SGCZ: variants seen among roughly 807,000 people sequenced by gnomAD.
The protein encoded by SGCZ is sarcoglycan zeta, also known as zeta-sarcoglycan.
A neutral mutation model predicts 41.3 loss-of-function variants in SGCZ; 40 were observed. The observed-to-expected ratio is 0.97, with a 90% CI of 0.75 to 1.26. The LOEUF (loss-of-function observed/expected upper bound fraction) is 1.26. SGCZ is among the 50% of genes most tolerant of loss of function. SGCZ has a pLI of 0.00. For missense variants in SGCZ, 552 were observed against 369.8 expected, an observed-to-expected ratio of 1.49 and a Z score of -4.04; for synonymous variants, 206 against 137.5, an observed-to-expected ratio of 1.50 and a Z score of -3.49.
chr8:14,472,565 C>T (rs946084233), intron 2 of SGCZ, among the ~76,000 whole-genome samples: 2 of 152,062 alleles, frequency 1.3e-5, no homozygotes, highest in African/African-American at 4.8e-5. Context: ...ACTGGGATAT[C>T]ATTACATTAT....
intron 1 of SGCZ, among the ~76,000 whole-genome samples, chr8:14,855,182 A>G (rs1585321353): frequency 6.6e-6 from 1 of 151,920 alleles, no homozygotes; most frequent in Non-Finnish European, 1.5e-5. Context: ...TCTCCTGAGT[A>G]GCTGGGAATA....
At chr8:14,766,910 C>T (rs549855555) in intron 1 of SGCZ, among the ~76,000 whole-genome samples, 1 of 151,536 alleles carries the variant, frequency 6.6e-6, no homozygotes, top group Non-Finnish European at 1.5e-5. Flanking sequence ...TTATTAAACT[C>T]AGACTGTCTT....
At chr8:14,242,696 A>G (rs547479704) in intron 3 of SGCZ, among the ~76,000 whole-genome samples, 2 of 152,178 alleles carry the variant, frequency 1.3e-5, no homozygotes, top group South Asian at 2.1e-4. Context: ...TGTTTCACAA[A>G]TAAGTATAGT....
chr8:14,444,547 T>C (rs550613653), intron 2 of SGCZ, among the ~76,000 whole-genome samples: 1 of 151,088 alleles, frequency 6.6e-6, no homozygotes, highest in African/African-American at 2.4e-5. Context: ...TCATTCTCAG[T>C]AAACTATCGT....
chr8:15,169,408 A>G (rs1393023324), intron 1 of SGCZ, among the ~76,000 whole-genome samples: 1 of 152,076 alleles, frequency 6.6e-6, no homozygotes, highest in African/African-American at 2.4e-5. Context: ...GCGGGTAGGA[A>G]ACTCTCTAGC....
intron 2 of SGCZ, among the ~76,000 whole-genome samples, chr8:14,387,770 C>T (rs1426900429): frequency 6.6e-6 from 1 of 151,956 alleles, no homozygotes; most frequent in Non-Finnish European, 1.5e-5. Flanking sequence ...TTACCAATTA[C>T]TCCCATTAAG....
chr8:14,290,974 T>C (rs970313632), intron 3 of SGCZ, among the ~76,000 whole-genome samples: 1 of 152,086 alleles, frequency 6.6e-6, no homozygotes, highest in Non-Finnish European at 1.5e-5. Flanking sequence ...ATAAAGAAAG[T>C]ATTGTAAATA....
chr8:14,741,506 T>C (rs1799197174), intron 1 of SGCZ, among the ~76,000 whole-genome samples: 1 of 152,098 alleles, frequency 6.6e-6, no homozygotes, highest in South Asian at 2.1e-4. Context: ...GCATTTTAGC[T>C]TCTCCATAAT....
intron 1 of SGCZ, among the ~76,000 whole-genome samples, chr8:14,863,971 A>G (rs1042699908): frequency 5.3e-5 from 8 of 152,284 alleles, no homozygotes; most frequent in Middle Eastern, 6.8e-3. Flanking sequence ...GACATTCAAG[A>G]AATTACTAAC....
At chr8:14,124,230 A>T (rs1314655150) in intron 5 of SGCZ, among the ~76,000 whole-genome samples, 2 of 152,184 alleles carry the variant, frequency 1.3e-5, no homozygotes, top group East Asian at 3.9e-4. Flanking sequence ...TTTAAAATGT[A>T]GGCAGTCCAT....
chr8:14,930,219 C>G (rs188941745), intron 1 of SGCZ, among the ~76,000 whole-genome samples: 1 of 151,794 alleles, frequency 6.6e-6, no homozygotes, highest in Admixed American at 6.6e-5. Context: ...TTTATGCAGC[C>G]GACAAACATA....
At chr8:14,658,625 C>T (rs749627970) in intron 1 of SGCZ, among the ~76,000 whole-genome samples, 42 of 152,134 alleles carry the variant, frequency 2.8e-4, no homozygotes, top group Non-Finnish European at 4.0e-4. Context: ...GCTCTCTGTC[C>T]TATTTAATTT....
intron 1 of SGCZ, among the ~76,000 whole-genome samples, chr8:14,842,926 C>A (rs1243247342): frequency 2.0e-5 from 3 of 152,146 alleles, no homozygotes; most frequent in Admixed American, 2.0e-4. Flanking sequence ...CTTATTAGAA[C>A]CCTTGCCTGG....
chr8:14,159,097 T>G (rs6994473), intron 5 of SGCZ, among the ~76,000 whole-genome samples: 47,897 of 151,994 alleles, frequency 0.32, 7,956 homozygotes, highest in Middle Eastern at 0.46. Context: ...TATCATGATA[T>G]ATAGGAAATC....
At chr8:14,808,213 A>G (rs1458721744) in intron 1 of SGCZ, among the ~76,000 whole-genome samples, 3 of 152,214 alleles carry the variant, frequency 2.0e-5, no homozygotes, top group Non-Finnish European at 2.9e-5. Flanking sequence ...ATGGCAACAA[A>G]AGACAAAATT....
intron 1 of SGCZ, among the ~76,000 whole-genome samples, chr8:14,573,748 T>G (rs62498434): frequency 0.062 from 9,376 of 152,252 alleles, 332 homozygotes; most frequent in African/African-American, 0.081. Context: ...ATGAAAAATA[T>G]TCAACGAATA....
Position 14,090,444 on chromosome 8 carries a change from C to G in SGCZ, c.938G>C (p.Ter313SerextTer3). 6.2e-7 allele frequency: 1 copy of G among 1,611,152 alleles called. No individual in the cohort carries two copies. Among genetic ancestry groups the G allele is most frequent in the Non-Finnish European group, 8.5e-7 (1 of 1,178,510 alleles). The change falls in exon 8 of 8, where the codon TGA (stop) becomes TCA (serine). Residue 313 changes from the stop codon to serine (S), a stop_lost. Coordinates refer to ENST00000382080, the MANE Select transcript of SGCZ (RefSeq NM_139167.4). ...TGGTGTGAGGAGAAATCAGTCACTT[C>G]AGCTCCACAGGCAGATGTTGCTACT... is the stretch of plus-strand genomic sequence containing the variant. ...QSSSNICLWS* is the reference protein window; with the variant it reads ...QSSSNICLWSS
At chr8:15,166,972 C>G (rs948735434) in intron 1 of SGCZ, among the ~76,000 whole-genome samples, 3 of 151,906 alleles carry the variant, frequency 2.0e-5, no homozygotes, top group Admixed American at 2.0e-4. Context: ...GAAGCTGAAG[C>G]GAATCTTTTT....
rs1355701411 is a variant in SGCZ, at chr8:14,754,537, A to G, written c.40-199611T>C. 4.6e-5 allele frequency among the ~76,000 whole-genome samples: 7 copies of G among 152,194 alleles called. No homozygotes were observed. The East Asian group carries it at 9.6e-4, about 21-fold the overall frequency. On this transcript the variant is annotated intron_variant, in intron 1 of 7. Transcript: ENST00000382080. ...ATGAAAGCAACTTTCATTTACACAT[A>G]TATTATAGGAATCCAGAATAGTGGC...
Sources: allele counts gnomAD v4.1 joint callset (sites outside exome capture counted in the v4.1 genomes callset), GRCh38; gene constraint gnomAD v4.1.1; transcripts MANE v1.5; gene names NCBI Gene and HGNC (gene_info 2026-07-23, HGNC 2026-07-21).